SLC35F4: variants seen among roughly 807,000 people sequenced by gnomAD.
The protein encoded by SLC35F4 is solute carrier family 35 member F4.
Under a neutral mutation model 44.2 loss-of-function variants are expected in SLC35F4, and 24 were observed. That is an observed-to-expected ratio of 0.54 (90% CI 0.39 to 0.76). SLC35F4 has a LOEUF of 0.76. Among genes scored for constraint, SLC35F4 ranks in the 30% least tolerant of loss-of-function variants. SLC35F4 has a pLI of 0.00. For missense variants in SLC35F4, 562 were observed against 586.1 expected, an observed-to-expected ratio of 0.96 and a Z score of 0.42; for synonymous variants, 238 against 223.6, an observed-to-expected ratio of 1.06 and a Z score of -0.57.
intron 1 of SLC35F4, among the ~76,000 whole-genome samples, chr14:57,652,144 T>C (rs754181916): frequency 3.3e-5 from 5 of 152,212 alleles, no homozygotes; most frequent in Non-Finnish European, 5.9e-5. Flanking sequence ...CTTCATGTCT[T>C]AAGAAGTATG....
At chr14:57,917,909 C>T (rs373859115) in intron 1 of SLC35F4, among the ~76,000 whole-genome samples, 6 of 152,288 alleles carry the variant, frequency 3.9e-5, no homozygotes, top group African/African-American at 1.4e-4. Context: ...CTCAGTCCCC[C>T]ACACACATCC....
intron 1 of SLC35F4, among the ~76,000 whole-genome samples, chr14:57,953,441 T>G (rs146108984): frequency 9.7e-4 from 148 of 152,222 alleles, no homozygotes; most frequent in African/African-American, 3.5e-3. Context: ...AATACTGACC[T>G]TAAATGTAAA....
chr14:57,688,392 G>A (rs2140324091), intron 1 of SLC35F4, among the ~76,000 whole-genome samples: 1 of 152,260 alleles, frequency 6.6e-6, no homozygotes. Flanking sequence ...ATTGTTGCAT[G>A]GCAGAATGGA....
At chr14:57,837,790 G>A (rs1885084140) in intron 1 of SLC35F4, 1 of 152,136 alleles carries the variant, frequency 6.6e-6, no homozygotes, top group African/African-American at 2.4e-5. Context: ...TCTTTTCTGT[G>A]AATAAATTAC....
At chr14:57,926,089 C>T (rs562646881) in intron 1 of SLC35F4, among the ~76,000 whole-genome samples, 3 of 152,246 alleles carry the variant, frequency 2.0e-5, no homozygotes, top group African/African-American at 2.4e-5. Flanking sequence ...TTCACACTAC[C>T]TGGCAGAATG....
At chr14:57,966,673 C>T (rs1890444801) in intron 1 of SLC35F4, among the ~76,000 whole-genome samples, 2 of 152,160 alleles carry the variant, frequency 1.3e-5, no homozygotes, top group South Asian at 2.1e-4. Context: ...AGGCAGAAGT[C>T]TCAGAACAAA....
chr14:57,900,702 G>A (rs755521183), intron 1 of SLC35F4, among the ~76,000 whole-genome samples: 1 of 152,112 alleles, frequency 6.6e-6, no homozygotes. Flanking sequence ...AAGAGTTTCT[G>A]CACAGCTAAA....
chr14:57,725,002 A>C (rs920963190), intron 1 of SLC35F4, among the ~76,000 whole-genome samples: 2 of 152,242 alleles, frequency 1.3e-5, no homozygotes, highest in Non-Finnish European at 2.9e-5. Context: ...AATGACAAAG[A>C]AATCTGGGGA....
intron 1 of SLC35F4, among the ~76,000 whole-genome samples, chr14:57,751,952 GTT>G (rs1594960829): frequency 6.6e-6 from 1 of 151,704 alleles, no homozygotes; most frequent in East Asian, 1.9e-4. Flanking sequence ...GTGTGTGTGT[GTT>G]TGTGTATTTT....
At chr14:57,936,842 G>A (rs1017973337) in intron 1 of SLC35F4, among the ~76,000 whole-genome samples, 3 of 152,110 alleles carry the variant, frequency 2.0e-5, no homozygotes, top group Admixed American at 2.0e-4. Flanking sequence ...AGCATTCCAG[G>A]AGAGAATTTT....
chr14:57,775,779 C>A (rs2077473914), intron 1 of SLC35F4, among the ~76,000 whole-genome samples: 1 of 152,162 alleles, frequency 6.6e-6, no homozygotes, highest in South Asian at 2.1e-4. Flanking sequence ...CGTTCTTCAG[C>A]AAGGGTTCTT....
At chr14:57,734,980 G>T (rs1406781774) in intron 1 of SLC35F4, among the ~76,000 whole-genome samples, 1 of 152,038 alleles carries the variant, frequency 6.6e-6, no homozygotes, top group African/African-American at 2.4e-5. Context: ...AATTTTAACA[G>T]CTACATGAAG....
rs540464564 is a variant in SLC35F4 at position 57,909,630 on chromosome 14, G to T, written n.282+72283C>A. Among the ~76,000 whole-genome samples, 3 of 151,820 alleles carry T rather than the reference G, an allele frequency of 2.0e-5. No individual in the cohort carries two copies. In the South Asian group the frequency reaches 6.3e-4, roughly 32 times the overall value. ...TAATATGCATCAAAGGTTCTTTCAT[G>T]TCTTTCCATGGTTTGATAGCTCATA... is the stretch of plus-strand genomic sequence containing the variant. On this transcript the variant is annotated intron_variant and non_coding_transcript_variant, in intron 1 of 1. Transcript: ENST00000556568.
chr14:57,575,609 CCT>C (rs1288282012), intron 4 of SLC35F4, among the ~76,000 whole-genome samples: 147 of 152,338 alleles, frequency 9.6e-4, no homozygotes, highest in African/African-American at 3.5e-3. Context: ...AATGTTTAAA[CCT>C]CTCTGCCCTC....
intron 1 of SLC35F4, among the ~76,000 whole-genome samples, chr14:57,793,113 A>G (rs1398470818): frequency 6.6e-6 from 1 of 152,160 alleles, no homozygotes; most frequent in Non-Finnish European, 1.5e-5. Flanking sequence ...TCGTCTTATC[A>G]CAAAACTTAC....
chr14:57,595,323 T>C lies in SLC35F4; in HGVS notation c.104-1199A>G, dbSNP rs149260032. ...CAGAGGTAAAGAATCCTTCTCATCA[T>C]ATAGTATCAGTCATGACATGCTACC... On this transcript the variant is annotated intron_variant, in intron 1 of 7. Transcript: ENST00000556826. 1.6e-3 allele frequency among the ~76,000 whole-genome samples: 240 copies of C among 152,366 alleles called. 1 individual carries two copies. Among genetic ancestry groups the C allele is most frequent in the African/African-American group, 5.3e-3 (221 of 41,596 alleles).
chr14:57,942,073 T>G (rs757374299), intron 1 of SLC35F4, among the ~76,000 whole-genome samples: 1 of 152,198 alleles, frequency 6.6e-6, no homozygotes, highest in Non-Finnish European at 1.5e-5. Context: ...CACTTAAAAT[T>G]GCACATTTTG....
chr14:57,581,567 C>G (rs77876520), intron 3 of SLC35F4, 134 bp from the exon 4 acceptor site: 25 of 798,040 alleles, frequency 3.1e-5, no homozygotes, highest in African/African-American at 7.0e-5. Flanking sequence ...TATACTGAAC[C>G]CAGTTCTGAA....
intron 1 of SLC35F4, among the ~76,000 whole-genome samples, chr14:57,664,535 A>G (rs769210467): frequency 6.6e-6 from 1 of 152,074 alleles, no homozygotes. Flanking sequence ...CACCCTCCCA[A>G]GTAGCTAGGA....
Sources: gnomAD v4.1 joint callset for allele counts (sites outside exome capture counted in the v4.1 genomes callset) on GRCh38, gnomAD v4.1.1 for gene constraint, MANE v1.5 for transcripts, NCBI Gene and HGNC (gene_info 2026-07-23, HGNC 2026-07-21) for gene names.